The following FAM169A variants were observed in gnomAD, a reference collection of about 807,000 sequenced individuals.
FAM169A encodes family with sequence similarity 169 member A.
FAM169A carries 24 observed loss-of-function variants against 75.7 expected under a neutral mutation model. That is an observed-to-expected ratio of 0.32 (90% confidence interval 0.23 to 0.45). The LOEUF is 0.45. FAM169A is among the 20% of genes least tolerant of loss of function. The pLI is 1.00. For synonymous variants in FAM169A, 271 were observed against 271.0 expected (o/e 1.00, Z 0.00); for missense variants, 673 against 784.0 (o/e 0.86, Z 1.69).
intron 11 of FAM169A, among the ~76,000 whole-genome samples, chr5:74,783,424 A>T (rs1745511518): frequency 6.6e-6 from 1 of 152,214 alleles, no homozygotes; most frequent in Non-Finnish European, 1.5e-5. Flanking sequence ...GATTCAATGA[A>T]AAGACCCTAC....
At chr5:74,839,156 G>T (rs1748721574) in intron 3 of FAM169A, 106 bp from the exon 4 acceptor site, 2 of 789,288 alleles carry the variant, frequency 2.5e-6, no homozygotes, top group East Asian at 5.2e-5. Context: ...ATATTTAAGA[G>T]TATCTATATA....
chr5:74,798,654 G>C lies in FAM169A; in HGVS notation c.1103+2226C>G, dbSNP rs543672175. On this transcript the variant is annotated intron_variant, in intron 10 of 12. Transcript: ENST00000687041. ...ATGAATTAACTAAATGGTTGACTCA[G>C]GAACAGTTGGCAGAACTGTTAGGGC... is the stretch of plus-strand genomic sequence containing the variant. Among the ~76,000 whole-genome samples, 3 of 152,264 alleles carry C rather than the reference G, an allele frequency of 2.0e-5. No homozygotes were observed. In the South Asian group the frequency reaches 6.2e-4, roughly 32 times the overall value.
Position 74,813,212 on chromosome 5 carries a change from G to A in FAM169A, c.670+628C>T, listed in dbSNP as rs573643969. 1.9e-4 allele frequency among the ~76,000 whole-genome samples: 29 copies of A among 152,276 alleles called. No individual in the cohort carries two copies. The South Asian group carries it at 4.1e-3, about 22-fold the overall frequency. ...TTGGTACAGGGTTTCTTTTTGGAGT[G>A]ATAAGAATGCTCTGGAACTGCTGGC... On this transcript the variant is annotated intron_variant, in intron 6 of 12. Transcript: ENST00000687041.
intron 5 of FAM169A, among the ~76,000 whole-genome samples, chr5:74,832,595 AAT>A (rs959916519): frequency 2.9e-4 from 43 of 150,002 alleles, no homozygotes; most frequent in East Asian, 2.5e-3. Context: ...ATATATATGA[AAT>A]ATGTTTATAT....
chr5:74,811,779 C>T (rs1747205574), intron 6 of FAM169A, among the ~76,000 whole-genome samples: 2 of 152,080 alleles, frequency 1.3e-5, no homozygotes, highest in African/African-American at 2.4e-5. Flanking sequence ...AAATGGAATA[C>T]GGCATTGACG....
chr5:74,830,497 T>C (rs1371135073), intron 5 of FAM169A, among the ~76,000 whole-genome samples: 1 of 152,068 alleles, frequency 6.6e-6, no homozygotes, highest in African/African-American at 2.4e-5. Context: ...ACTATCCCAG[T>C]GGATTGTGGG....
Position 74,781,636 on chromosome 5 carries a change from C to T in FAM169A, c.1837G>A (p.Glu613Lys), listed in dbSNP as rs1445298875. The change falls in exon 13 of 13, where the codon GAG (glutamate) becomes AAG (lysine). Residue 613 changes from glutamate (E) to lysine (K), a missense_variant. Coordinates refer to ENST00000687041, the MANE Select transcript of FAM169A (RefSeq NM_001376049.1). ...TGCTCGGAAGATGCTTCAGACTGCT[C>T]CTCTGACTGATTCTTCTGTCCTGCA... ...QNAGQKNQSE[E>K]QSEASSEQLD... 5.0e-6 allele frequency: 8 copies of T among 1,614,118 alleles called. No homozygotes were observed. The highest frequency in any genetic ancestry group is 6.8e-6 in the Non-Finnish European group (8 of 1,179,998).
At chr5:74,847,152 A>G (rs985185580) in intron 1 of FAM169A, among the ~76,000 whole-genome samples, 2 of 152,208 alleles carry the variant, frequency 1.3e-5, no homozygotes, top group Non-Finnish European at 2.9e-5. Flanking sequence ...AATATACATA[A>G]CAAAATTTAC....
chr5:74,840,263 C>A, intron 2 of FAM169A, 90 bp from the exon 3 acceptor site: 1 of 524,810 alleles, frequency 1.9e-6, no homozygotes, highest in Non-Finnish European at 3.3e-6. Flanking sequence ...GTAAATATTT[C>A]CTACGTTAAT....
intron 1 of FAM169A, among the ~76,000 whole-genome samples, chr5:74,843,465 A>G (rs1291679959): frequency 6.6e-6 from 1 of 152,268 alleles, no homozygotes; most frequent in African/African-American, 2.4e-5. Context: ...AATTAAAACA[A>G]TGTGATACAG....
At position 74,820,929 on chromosome 5, in the gene FAM169A, T is replaced by C. The variant is rs922788757; in HGVS notation, c.491-6910A>G. ...CACTGCTCTTACTATTTCTGAAGTA[T>C]CCCAAACTTGTTTCTGCCTCAGGGC... On this transcript the variant is annotated intron_variant, in intron 5 of 12. Coordinates refer to ENST00000687041, the MANE Select transcript of FAM169A (RefSeq NM_001376049.1). Among the ~76,000 whole-genome samples, 3 of 152,336 alleles carry C rather than the reference T, an allele frequency of 2.0e-5. No homozygotes were observed. The East Asian group carries it at 5.8e-4, about 29-fold the overall frequency.
In FAM169A at chr5:74,778,519, A is replaced by G. The variant is rs1258440022; in HGVS notation, c.*2941T>C. Reference sequence around the variant, plus strand: ...TGACTAGATGTTTTCCTTACCATCTACACTGAATGGAAATACCATGAATAT... The same window carrying G: ...TGACTAGATGTTTTCCTTACCATCTGCACTGAATGGAAATACCATGAATAT... On this transcript the variant is annotated 3_prime_UTR_variant, in exon 13 of 13. Transcript: ENST00000687041. 1.3e-5 allele frequency: 2 copies of G among 152,042 alleles called. No individual in the cohort carries two copies. The highest frequency in any genetic ancestry group is 4.8e-5 in the African/African-American group (2 of 41,462). The allele number at this position is 152,042 out of a possible 1,614,324, so 9.4% of individuals were successfully genotyped here.
intron 1 of FAM169A, among the ~76,000 whole-genome samples, chr5:74,849,615 C>A (rs1199874089): frequency 6.6e-6 from 1 of 151,902 alleles, no homozygotes; most frequent in African/African-American, 2.4e-5. Context: ...TGCTCTCAAC[C>A]TTATTTCTGA....
chr5:74,806,773 G>C (rs1262160002), intron 6 of FAM169A, among the ~76,000 whole-genome samples: 1 of 152,072 alleles, frequency 6.6e-6, no homozygotes, highest in Non-Finnish European at 1.5e-5. Flanking sequence ...CAAACAATTA[G>C]TACTCAGAAT....
At chr5:74,831,375 G>T (rs1044232725) in intron 5 of FAM169A, among the ~76,000 whole-genome samples, 2 of 152,118 alleles carry the variant, frequency 1.3e-5, no homozygotes, top group Non-Finnish European at 2.9e-5. Context: ...TGAAAAAGCT[G>T]TCCCAATTAT....
At position 74,780,146 on chromosome 5, in the gene FAM169A, GC is replaced by G. The variant is rs1384227786; in HGVS notation, c.*1313del. The G allele has an allele frequency of 6.6e-6, 1 of 151,776 alleles. No homozygotes were observed. Among genetic ancestry groups the G allele is most frequent in the African/African-American group, 2.4e-5 (1 of 41,272 alleles). 9.4% of individuals were successfully genotyped at this position (151,776 alleles called of 1,614,324 possible). On this transcript the variant is annotated 3_prime_UTR_variant, in exon 13 of 13. Transcript: ENST00000687041. ...GTTTTTTTTCTTCAAATTTTCCTAG[GC>G]CTTTGTTATGGCAACACAATATATA... is the stretch of plus-strand genomic sequence containing the variant.
intron 1 of FAM169A, among the ~76,000 whole-genome samples, chr5:74,862,143 G>A (rs889686436): frequency 1.3e-5 from 2 of 152,210 alleles, no homozygotes; most frequent in African/African-American, 2.4e-5. Context: ...TATCATAAAA[G>A]CTCGTATCTT....
At chr5:74,866,468 G>A, upstream of FAM169A, 3 of 817,916 alleles carry the variant, frequency 3.7e-6, no homozygotes, top group African/African-American at 3.7e-5. Flanking sequence ...GCGCGGAGCG[G>A]CCCCTCCTCG....
At position 74,820,610 on chromosome 5, in the gene FAM169A, C is replaced by T. The variant is rs180966565; in HGVS notation, c.491-6591G>A. On this transcript the variant is annotated intron_variant, in intron 5 of 12. Coordinates refer to ENST00000687041, the MANE Select transcript of FAM169A (RefSeq NM_001376049.1). ...CTTCTTACCACCTCTACCCCATCTC[C>T]CTTGTCTAAGCTACTGTCACCTCTC... Among the ~76,000 whole-genome samples the T allele has an allele frequency of 3.6e-3, 546 of 152,228 alleles. 6 individuals are homozygous for T. Among genetic ancestry groups the T allele is most frequent in the African/African-American group, 0.013 (524 of 41,536 alleles).
Sources: gnomAD v4.1 joint callset for allele counts (sites outside exome capture counted in the v4.1 genomes callset) on GRCh38, gnomAD v4.1.1 for gene constraint, MANE v1.5 for transcripts, NCBI Gene and HGNC (gene_info 2026-07-23, HGNC 2026-07-21) for gene names.